The following IGF2 variants were observed in gnomAD, a reference collection of about 807,000 sequenced individuals.
IGF2 encodes insulin like growth factor 2.
A neutral mutation model predicts 12.0 loss-of-function variants in IGF2; 2 were observed. The observed-to-expected ratio is 0.17, with a 90% CI of 0.07 to 0.52. IGF2 has a LOEUF of 0.52. IGF2 is among the 20% of genes least tolerant of loss of function. The pLI, the probability that IGF2 is intolerant of heterozygous loss-of-function variation, is 0.95. For synonymous variants in IGF2, 105 were observed against 110.1 expected, an observed-to-expected ratio of 0.95 and a Z score of 0.29; for missense variants, 211 against 268.0, an observed-to-expected ratio of 0.79 and a Z score of 1.48.
At chr11:2,136,191 C>T (rs1178187305) in intron 1 of IGF2, among the ~76,000 whole-genome samples, 1 of 152,228 alleles carries the variant, frequency 6.6e-6, no homozygotes, top group Non-Finnish European at 1.5e-5. Context: ...AACCACGCCA[C>T]CCATGCTCTA....
At chr11:2,149,405 G>C in the IGF2 span, 3 of 1,415,034 alleles carry the variant, frequency 2.1e-6, no homozygotes, top group Non-Finnish European at 3.0e-6. Flanking sequence ...ACAGATGGGA[G>C]AGCCTCATCT....
chr11:2,135,860 G>A (rs529107861), intron 1 of IGF2, among the ~76,000 whole-genome samples: 1 of 152,272 alleles, frequency 6.6e-6, no homozygotes, highest in East Asian at 1.9e-4. Flanking sequence ...AGCTGCAGGG[G>A]CCCAGGCTGG....
chr11:2,134,034 G>A lies in IGF2; in HGVS notation c.158-369C>T, dbSNP rs745625790. On this transcript the variant is annotated intron_variant, in intron 2 of 3. Coordinates refer to ENST00000416167, the MANE Select transcript of IGF2 (RefSeq NM_000612.6). ...CCAGTTCAGGGGCCCCCACAGGAGGGACTGCTGTCCCTGAGCTTGGACTCT... is the reference window on the plus strand; with the variant it reads ...CCAGTTCAGGGGCCCCCACAGGAGGAACTGCTGTCCCTGAGCTTGGACTCT... The A allele has an allele frequency of 2.6e-5, 11 of 417,672 alleles. No homozygotes were observed. In the East Asian group the frequency reaches 3.7e-4, roughly 14 times the overall value. The allele number at this position is 417,672 out of a possible 1,614,324, so 25.9% of individuals were successfully genotyped here.
intron 1 of IGF2, among the ~76,000 whole-genome samples, chr11:2,137,878 C>A (rs1034168248): frequency 1.3e-5 from 2 of 152,200 alleles, no homozygotes; most frequent in Non-Finnish European, 2.9e-5. Context: ...CCCAGCACCC[C>A]GGAGGCCAGG....
In IGF2 at chr11:2,130,666, C is replaced by T. The variant is rs1193716058; in HGVS notation, c.*2321G>A. 4.8e-6 allele frequency: 1 copy of T among 209,732 alleles called. No homozygotes were observed. The highest frequency in any genetic ancestry group is 5.9e-5 in the Admixed American group (1 of 16,898). 13.0% of individuals were successfully genotyped at this position (209,732 alleles called of 1,614,324 possible). A position where few individuals can be genotyped will look rare whatever the true frequency, so the allele number is the denominator to read the frequency against. ...TCAATTGACATGAAATTTGGGGGTT[C>T]CTAATTTCTCTATGTAATTCTGCAA... is the stretch of plus-strand genomic sequence containing the variant. On this transcript the variant is annotated 3_prime_UTR_variant, in exon 4 of 4. Transcript: ENST00000416167.
rs1858681768 is a variant in IGF2 at position 2,132,607 on chromosome 11, G to A, written c.*380C>T. ...TGTTTTTTTTAAAGCCAATTTCTGA[G>A]CTTTTGTGGGGTGTTTCTAAAAAGC... On this transcript the variant is annotated 3_prime_UTR_variant, in exon 4 of 4. Coordinates refer to ENST00000416167, the MANE Select transcript of IGF2 (RefSeq NM_000612.6). The A allele has an allele frequency of 5.6e-6, 1 of 177,806 alleles. No individual in the cohort carries two copies. The highest frequency in any genetic ancestry group is 2.3e-4 in the South Asian group (1 of 4,438). 11.0% of individuals were successfully genotyped at this position (177,806 alleles called of 1,614,324 possible). A position where few individuals can be genotyped will look rare whatever the true frequency, so the allele number is the denominator to read the frequency against.
At position 2,138,359 on chromosome 11, in the gene IGF2, C is replaced by T. The variant is rs1564898838; in HGVS notation, c.-137G>A. 1.0e-5 allele frequency: 9 copies of T among 872,618 alleles called. No individual in the cohort carries two copies. Among genetic ancestry groups the T allele is most frequent in the Non-Finnish European group, 1.1e-5 (8 of 761,692 alleles). The allele number at this position is 872,618 out of a possible 1,614,324, so 54.1% of individuals were successfully genotyped here. A position where few individuals can be genotyped will look rare whatever the true frequency, so the allele number is the denominator to read the frequency against. On this transcript the variant is annotated 5_prime_UTR_variant, in exon 1 of 4. Transcript: ENST00000416167. Reference sequence around the variant, plus strand: ...CGAGTCGCGGGGGCCGAATGTGCGACGGGGCAGAGCGGGGGGATGGCTTTT... The same window carrying T: ...CGAGTCGCGGGGGCCGAATGTGCGATGGGGCAGAGCGGGGGGATGGCTTTT...
Position 2,138,713 on chromosome 11 carries a change from G to T in IGF2, c.-491C>A. On this transcript the variant is annotated 5_prime_UTR_variant, in exon 1 of 4. Coordinates refer to ENST00000416167, the MANE Select transcript of IGF2 (RefSeq NM_000612.6). ...GAGAGGGCGGGCGTGAGGGGGGGAG[G>T]GAGTCGGAGGCTAGGAGCTGGGGGG... The T allele has an allele frequency of 1.9e-6, 1 of 535,650 alleles. No homozygotes were observed. Among genetic ancestry groups the T allele is most frequent in the Non-Finnish European group, 2.3e-6 (1 of 428,132 alleles). The allele number at this position is 535,650 out of a possible 1,614,324, so 33.2% of individuals were successfully genotyped here. A position where few individuals can be genotyped will look rare whatever the true frequency, so the allele number is the denominator to read the frequency against.
chr11:2,130,401 C>CA lies in IGF2; in HGVS notation c.*2585dup, dbSNP rs1858455244. 1 of 228,420 alleles carries CA rather than the reference C, an allele frequency of 4.4e-6. No homozygotes were observed. Among genetic ancestry groups the CA allele is most frequent in the Non-Finnish European group, 8.7e-6 (1 of 115,166 alleles). 14.1% of individuals were successfully genotyped at this position (228,420 alleles called of 1,614,324 possible). A position where few individuals can be genotyped will look rare whatever the true frequency, so the allele number is the denominator to read the frequency against. On this transcript the variant is annotated 3_prime_UTR_variant, in exon 4 of 4. Transcript: ENST00000416167. ...CCCCCAGGAGGCTCCACCCTCAACTCAACCCAAGCAACAGGGACAGATGAA... is the reference window on the plus strand; with the variant it reads ...CCCCCAGGAGGCTCCACCCTCAACTCAAACCCAAGCAACAGGGACAGATGAA...
rs955317378 is a variant in IGF2 at position 2,138,394 on chromosome 11, G to GT, written c.-173_-172insA. 7.6e-6 allele frequency: 4 copies of GT among 528,840 alleles called. No homozygotes were observed. In the South Asian group the frequency reaches 2.5e-4, roughly 33 times the overall value. 32.8% of individuals were successfully genotyped at this position (528,840 alleles called of 1,614,324 possible). On this transcript the variant is annotated 5_prime_UTR_variant, in exon 1 of 4. Transcript: ENST00000416167. ...CGGGGGGATGGCTTTTTTTTGGGGG[G>GT]GGGGGGAGAATTCGTCTGATTGTCC... is the stretch of plus-strand genomic sequence containing the variant.
chr11:2,146,723 T>G, the IGF2 span: 1 of 281,196 alleles, frequency 3.6e-6, no homozygotes, highest in African/African-American at 2.2e-5. Flanking sequence ...AAGAGTCACC[T>G]GCTGGATCCC....
the IGF2 span, chr11:2,148,058 G>C: frequency 5.3e-6 from 2 of 374,648 alleles, no homozygotes; most frequent in Non-Finnish European, 4.7e-6. The surrounding 1 kb of genome is among the most constrained non-coding windows in gnomAD (Gnocchi z 4.3). Context: ...TGATGGAGAG[G>C]CCGAGACCCT....
upstream of IGF2, among the ~76,000 whole-genome samples, chr11:2,142,770 C>T (rs1042963473): frequency 2.6e-5 from 4 of 152,190 alleles, no homozygotes; most frequent in South Asian, 6.2e-4. The surrounding 1 kb of genome is among the most constrained non-coding windows in gnomAD (Gnocchi z 5.7). Context: ...GAACTGGGGC[C>T]GTTAGCAACA....
At chr11:2,137,239 G>A (rs1859134432) in intron 1 of IGF2, 3 of 997,042 alleles carry the variant, frequency 3.0e-6, no homozygotes, top group Non-Finnish European at 3.6e-6. Flanking sequence ...AGGAAGAGGA[G>A]GAGGAGGAAG....
Position 2,131,735 on chromosome 11 carries a change from C to T in IGF2, c.*1252G>A, listed in dbSNP as rs7111331. On this transcript the variant is annotated 3_prime_UTR_variant, in exon 4 of 4. Coordinates refer to ENST00000416167, the MANE Select transcript of IGF2 (RefSeq NM_000612.6). ...GCTGTGTTCGTGTGTGCTGTGTTCG[C>T]GTGTGTGTGCTGTGTGTGCATGTGT... 6.0e-5 allele frequency: 8 copies of T among 133,688 alleles called. No individual in the cohort carries two copies. Among genetic ancestry groups the T allele is most frequent in the African/African-American group, 1.5e-4 (4 of 27,090 alleles). 8.3% of individuals were successfully genotyped at this position (133,688 alleles called of 1,614,324 possible). A position where few individuals can be genotyped will look rare whatever the true frequency, so the allele number is the denominator to read the frequency against.
upstream of IGF2, chr11:2,140,596 C>T: frequency 2.0e-6 from 1 of 506,910 alleles, no homozygotes; most frequent in South Asian, 1.8e-5. Flanking sequence ...CCTGCCCGCC[C>T]CACTTTGGGA....
At chr11:2,145,103 C>T (rs193061543), upstream of IGF2, among the ~76,000 whole-genome samples, 58 of 152,274 alleles carry the variant, frequency 3.8e-4, no homozygotes, top group Non-Finnish European at 7.9e-4. Context: ...TCAATCACCC[C>T]CATGTCCCAT....
rs1858709559 is a variant in IGF2 at position 2,132,908 on chromosome 11, G to A, written c.*79C>T. The A allele has an allele frequency of 7.0e-6, 7 of 1,003,792 alleles. 1 individual carries two copies. In the South Asian group the frequency reaches 1.2e-4, roughly 17 times the overall value. 62.2% of individuals were successfully genotyped at this position (1,003,792 alleles called of 1,614,324 possible). On this transcript the variant is annotated 3_prime_UTR_variant, in exon 4 of 4. Transcript: ENST00000416167. ...CGTGGAACCGAGAGATTTTCGGGAT[G>A]GAACCTGATGGAAACGTCCGTGGTC...
the IGF2 span, chr11:2,146,243 A>G: frequency 1.9e-6 from 1 of 531,796 alleles, no homozygotes; most frequent in South Asian, 1.4e-5. Flanking sequence ...TTTCCTCCCC[A>G]GCTCTGGCTC....
Sources: gnomAD v4.1 joint callset for allele counts (sites outside exome capture counted in the v4.1 genomes callset) on GRCh38, gnomAD v4.1.1 for gene constraint, Gnocchi (gnomAD v3.1) non-coding constraint, MANE v1.5 for transcripts, NCBI Gene and HGNC (gene_info 2026-07-23, HGNC 2026-07-21) for gene names.